Variants in GFPT1 observed in about 807,000 individuals in gnomAD.
GFPT1 encodes the protein glutamine--fructose-6-phosphate aminotransferase [isomerizing] 1.
Under a neutral mutation model 92.0 loss-of-function variants are expected in GFPT1, and 40 were observed. The observed-to-expected ratio is 0.43, with a 90% CI of 0.34 to 0.57. The LOEUF is 0.57. Ranked by LOEUF, GFPT1 falls within the 20% of genes least tolerant of loss-of-function variation. The pLI, the probability that GFPT1 is intolerant of heterozygous loss-of-function variation, is 0.02. For synonymous variants in GFPT1, 269 were observed against 280.6 expected (o/e 0.96, Z 0.41); for missense variants, 448 against 869.1 (o/e 0.52, Z 6.09).
chr2:69,356,975 C>G (rs1216743750), intron 6 of GFPT1, among the ~76,000 whole-genome samples: 6 of 152,298 alleles, frequency 3.9e-5, no homozygotes, highest in Non-Finnish European at 8.8e-5. Context: ...TCGTGATCTG[C>G]CCACCTCGGC....
chr2:69,351,064 ACT>A (rs1671193903), intron 9 of GFPT1, among the ~76,000 whole-genome samples: 1 of 152,172 alleles, frequency 6.6e-6, no homozygotes, highest in Admixed American at 6.6e-5. Flanking sequence ...GATGCATATC[ACT>A]CTCTAATCAC....
chr2:69,357,780 A>C (rs1182164293), intron 6 of GFPT1, among the ~76,000 whole-genome samples: 1 of 152,232 alleles, frequency 6.6e-6, no homozygotes, highest in Non-Finnish European at 1.5e-5. Context: ...GGATGGAATC[A>C]AAAAGAATAC....
intron 3 of GFPT1, among the ~76,000 whole-genome samples, chr2:69,364,175 C>T (rs1336798523): frequency 6.6e-6 from 1 of 150,664 alleles, no homozygotes; most frequent in African/African-American, 2.4e-5. Flanking sequence ...ATCTCATGTA[C>T]CCAGTAAGTT....
chr2:69,347,072 T>A (rs1671101162), intron 11 of GFPT1, among the ~76,000 whole-genome samples: 2 of 151,942 alleles, frequency 1.3e-5, no homozygotes, highest in Admixed American at 1.3e-4. Flanking sequence ...ACCATGCCCA[T>A]AATTTTCTTT....
At chr2:69,339,233 G>C (rs1446710708) in intron 13 of GFPT1, among the ~76,000 whole-genome samples, 1 of 152,152 alleles carries the variant, frequency 6.6e-6, no homozygotes, top group Non-Finnish European at 1.5e-5. Flanking sequence ...ATGTTAGGGA[G>C]GGGTTTCAAA....
chr2:69,383,873 C>A (rs1301704475), intron 1 of GFPT1, among the ~76,000 whole-genome samples: 1 of 152,194 alleles, frequency 6.6e-6, no homozygotes, highest in African/African-American at 2.4e-5. Flanking sequence ...GGTGATCCAC[C>A]CACCTCAGCC....
At chr2:69,377,825 G>A (rs1285064020) in intron 1 of GFPT1, among the ~76,000 whole-genome samples, 2 of 152,150 alleles carry the variant, frequency 1.3e-5, no homozygotes, top group African/African-American at 2.4e-5. Context: ...TTCCACCTGC[G>A]GGGATACCGG....
chr2:69,337,287 A>ACCT (rs1670824847), intron 15 of GFPT1, among the ~76,000 whole-genome samples: 1 of 150,306 alleles, frequency 6.7e-6, no homozygotes, highest in African/African-American at 2.5e-5. Flanking sequence ...CTGGTCTTGA[A>ACCT]CTCCTGAGCT....
chr2:69,381,002 CAG>C (rs1203133855), intron 1 of GFPT1, among the ~76,000 whole-genome samples: 1 of 149,920 alleles, frequency 6.7e-6, no homozygotes, highest in African/African-American at 2.5e-5. Context: ...TTTTTTTAGA[CAG>C]AGTCTCGTTC....
At chr2:69,364,460 T>C (rs145148632) in intron 3 of GFPT1, among the ~76,000 whole-genome samples, 1 of 152,372 alleles carries the variant, frequency 6.6e-6, no homozygotes, top group African/African-American at 2.4e-5. Context: ...TATATTTAAT[T>C]CTTGCCTTAA....
chr2:69,363,209 T>G lies in GFPT1; in HGVS notation c.349+336A>C, dbSNP rs560801715. ...GCCTCTACCTCCTGGGCTTAAACGATCCTCCCACCTCAGTCTCCCGAGTAG... is the reference window on the plus strand; with the variant it reads ...GCCTCTACCTCCTGGGCTTAAACGAGCCTCCCACCTCAGTCTCCCGAGTAG... On this transcript the variant is annotated intron_variant, in intron 4 of 19. Transcript: ENST00000357308. Among the ~76,000 whole-genome samples the G allele has an allele frequency of 4.6e-5, 7 of 152,258 alleles. No homozygotes were observed. In the South Asian group the frequency reaches 1.5e-3, roughly 32 times the overall value.
intron 11 of GFPT1, among the ~76,000 whole-genome samples, chr2:69,346,235 T>C (rs1310779270): frequency 6.6e-6 from 1 of 152,096 alleles, no homozygotes; most frequent in African/African-American, 2.4e-5. Flanking sequence ...AACAAGTGAA[T>C]GAGACAAGCT....
At chr2:69,386,528 T>C (rs770053119) in intron 1 of GFPT1, among the ~76,000 whole-genome samples, 7 of 152,228 alleles carry the variant, frequency 4.6e-5, no homozygotes, top group Non-Finnish European at 1.0e-4. Context: ...ATGGTTTCTG[T>C]TGAGACAAGG....
intron 1 of GFPT1, among the ~76,000 whole-genome samples, chr2:69,384,733 G>A (rs1173479410): frequency 1.4e-4 from 17 of 120,826 alleles, no homozygotes; most frequent in South Asian, 8.1e-4. Flanking sequence ...AGAAAGAAAA[G>A]AAAGAAGAGA....
intron 16 of GFPT1, 27 bp downstream of exon 16, chr2:69,329,657 A>C (rs779664082): frequency 6.9e-7 from 1 of 1,444,570 alleles, no homozygotes. Flanking sequence ...TAGACAACAA[A>C]AGTGTAATAT....
At chr2:69,338,225 A>G (rs1049592497) in intron 14 of GFPT1, among the ~76,000 whole-genome samples, 170 bp from the exon 15 acceptor site, 5 of 152,204 alleles carry the variant, frequency 3.3e-5, no homozygotes, top group African/African-American at 7.2e-5. Context: ...GCTTGTCAGG[A>G]TCTCTCTTCC....
In GFPT1 at chr2:69,325,195, A is replaced by G. The variant is rs555753501; in HGVS notation, c.*994T>C. 28 of 152,324 alleles carry G rather than the reference A, an allele frequency of 1.8e-4. No individual in the cohort carries two copies. Among genetic ancestry groups the G allele is most frequent in the African/African-American group, 6.7e-4 (28 of 41,592 alleles). 9.4% of individuals were successfully genotyped at this position (152,324 alleles called of 1,614,324 possible). A position where few individuals can be genotyped will look rare whatever the true frequency, so the allele number is the denominator to read the frequency against. On this transcript the variant is annotated 3_prime_UTR_variant, in exon 20 of 20. Coordinates refer to ENST00000357308, the MANE Select transcript of GFPT1 (RefSeq NM_001244710.2). ...AAACTGGCACTAAGGGACTAGTTTT[A>G]TGCAACAATGTAATGAAGGAAAGTT...
intron 18 of GFPT1, 84 bp downstream of exon 18, chr2:69,328,187 A>G: frequency 9.9e-7 from 1 of 1,010,118 alleles, no homozygotes; most frequent in Non-Finnish European, 1.6e-6. Flanking sequence ...TAACACGTGT[A>G]AACATGTTTT....
rs141980731 is a variant in GFPT1, at chr2:69,327,420, A to G, written c.1894-345T>C. 5.7e-3 allele frequency among the ~76,000 whole-genome samples: 870 copies of G among 152,196 alleles called. 9 individuals are homozygous for G. The highest frequency in any genetic ancestry group is 0.02 in the African/African-American group (816 of 41,532). ...TATAAAGCCAACTGATCTGAAGAAA[A>G]CTCAATTATATAATATTAAAATAAA... On this transcript the variant is annotated intron_variant, in intron 18 of 19. Transcript: ENST00000357308.
Sources: allele counts gnomAD v4.1 joint callset (sites outside exome capture counted in the v4.1 genomes callset), GRCh38; gene constraint gnomAD v4.1.1; transcripts MANE v1.5; gene names NCBI Gene and HGNC (gene_info 2026-07-23, HGNC 2026-07-21).